FERMT1: variants seen among roughly 807,000 people sequenced by gnomAD.
FERMT1 encodes the protein FERM domain containing kindlin 1, also known as fermitin family homolog 1.
FERMT1 carries 60 observed loss-of-function variants against 85.3 expected under a neutral mutation model. The ratio of observed to expected loss-of-function variants is 0.70; its 90% CI spans 0.57 to 0.87. The LOEUF is 0.87. FERMT1 is among the 40% of genes least tolerant of loss of function. The pLI is 0.00. For synonymous variants in FERMT1, 275 were observed against 301.1 expected, an observed-to-expected ratio of 0.91 and a Z score of 0.90; for missense variants, 701 against 818.9, an observed-to-expected ratio of 0.86 and a Z score of 1.76.
chr20:6,116,337 C>T (rs1197240415), intron 2 of FERMT1, among the ~76,000 whole-genome samples: 1 of 151,906 alleles, frequency 6.6e-6, no homozygotes, highest in Non-Finnish European at 1.5e-5. Context: ...CCTGCATGTT[C>T]TGCACATGTA....
chr20:6,115,390 A>C (rs1189679916), intron 3 of FERMT1, among the ~76,000 whole-genome samples: 1 of 152,246 alleles, frequency 6.6e-6, no homozygotes, highest in East Asian at 1.9e-4. Context: ...TACTTGAGCC[A>C]GGTCTTAAGC....
intron 6 of FERMT1, among the ~76,000 whole-genome samples, chr20:6,098,594 T>C (rs1568659584): frequency 2.0e-5 from 3 of 151,536 alleles, no homozygotes; most frequent in Admixed American, 1.3e-4. Context: ...TATTAAAATA[T>C]AAAAATGACA....
At chr20:6,109,627 C>T (rs574672054) in intron 5 of FERMT1, among the ~76,000 whole-genome samples, 20 of 152,232 alleles carry the variant, frequency 1.3e-4, no homozygotes, top group African/African-American at 2.9e-4. Flanking sequence ...CAGCTGGGCG[C>T]GGTGGCTCAT....
At chr20:6,082,137 G>A (rs1451232925) in intron 13 of FERMT1, among the ~76,000 whole-genome samples, 1 of 152,196 alleles carries the variant, frequency 6.6e-6, no homozygotes, top group Admixed American at 6.5e-5. Context: ...TGGGCCCACT[G>A]CCTCAAAGCC....
At chr20:6,106,049 AAAAAAC>A (rs1396406568) in intron 6 of FERMT1, among the ~76,000 whole-genome samples, 8 of 152,240 alleles carry the variant, frequency 5.3e-5, no homozygotes, top group African/African-American at 9.6e-5. Context: ...GCAGGCAATG[AAAAAAC>A]AAAAACAAAA....
At chr20:6,095,784 T>A (rs1982483482) in intron 8 of FERMT1, among the ~76,000 whole-genome samples, 1 of 152,252 alleles carries the variant, frequency 6.6e-6, no homozygotes, top group Admixed American at 6.5e-5. Context: ...GCGTTTAGTT[T>A]GCACGAAGTA....
At chr20:6,118,264 G>A (rs1218329100) in intron 2 of FERMT1, among the ~76,000 whole-genome samples, 1 of 152,220 alleles carries the variant, frequency 6.6e-6, no homozygotes, top group African/African-American at 2.4e-5. Context: ...ATAATGTTGA[G>A]TGAAAGAAAG....
chr20:6,097,600 T>A lies in FERMT1; in HGVS notation c.881A>T (p.Glu294Val), dbSNP rs747900215. ...TAAGAGAATGGCCCACCTGGCTTGC[T>A]CATAGAGTTGGTTTATTCGGACAGC... is the stretch of plus-strand genomic sequence containing the variant. Reference protein sequence around the residue: ...YDAVRINQLYEQARWAILLEE... With the variant: ...YDAVRINQLYVQARWAILLEE... The change falls in exon 7 of 15, where the codon GAG becomes GTG. Residue 294 changes from glutamate to valine, a missense_variant. Transcript: ENST00000217289. 6.2e-7 allele frequency: 1 copy of A among 1,613,964 alleles called. No homozygotes were observed. Among genetic ancestry groups the A allele is most frequent in the Admixed American group, 1.7e-5 (1 of 60,018 alleles).
chr20:6,083,890 C>A, intron 13 of FERMT1, 150 bp downstream of exon 13: 1 of 859,350 alleles, frequency 1.2e-6, no homozygotes, highest in South Asian at 1.6e-5. Flanking sequence ...TGTTTATGAG[C>A]AGCCCAAAGT....
Position 6,097,836 on chromosome 20 carries a change from A to T in FERMT1, c.850-205T>A, listed in dbSNP as rs138287832. Among the ~76,000 whole-genome samples the T allele has an allele frequency of 4.7e-5, 7 of 149,876 alleles. No homozygotes were observed. In the East Asian group the frequency reaches 1.4e-3, roughly 29 times the overall value. On this transcript the variant is annotated intron_variant, in intron 6 of 14. Coordinates refer to ENST00000217289, the MANE Select transcript of FERMT1 (RefSeq NM_017671.5). ...TTTTTTAATTTTTTATTTTTTTGAGACAGGGTCTCACTCTGTCGCCTAGGC... is the reference window on the plus strand; with the variant it reads ...TTTTTTAATTTTTTATTTTTTTGAGTCAGGGTCTCACTCTGTCGCCTAGGC...
rs1252265078 is a variant in FERMT1, at chr20:6,119,632, A to T, written c.-18-60T>A. 1.5e-5 allele frequency: 21 copies of T among 1,405,562 alleles called. No homozygotes were observed. The South Asian group carries it at 2.0e-4, about 13-fold the overall frequency. The allele number at this position is 1,405,562 out of a possible 1,614,324, so 87.1% of individuals were successfully genotyped here. ...TGGGAAGGAAACGGGACTTGTCAGT[A>T]GACTTGCAGAGCAAAATTTCTTTTT... is the stretch of plus-strand genomic sequence containing the variant. On this transcript the variant is annotated intron_variant, in intron 1 of 14. Coordinates refer to ENST00000217289, the MANE Select transcript of FERMT1 (RefSeq NM_017671.5).
At chr20:6,117,504 G>A (rs6053918) in intron 2 of FERMT1, among the ~76,000 whole-genome samples, 15,604 of 151,136 alleles carry the variant, frequency 0.1, 839 homozygotes, top group African/African-American at 0.14. Context: ...TGTAATCTCA[G>A]CTCACTGCAA....
intron 7 of FERMT1, 70 bp downstream of exon 7, chr20:6,097,454 C>G: frequency 9.8e-7 from 1 of 1,019,578 alleles, no homozygotes; most frequent in South Asian, 1.3e-5. Flanking sequence ...CAGTATGAAG[C>G]ATATGAAACT....
At chr20:6,077,496 A>C (rs1462753296) in intron 14 of FERMT1, 150 bp from the exon 15 acceptor site, 5 of 748,782 alleles carry the variant, frequency 6.7e-6, no homozygotes, top group Non-Finnish European at 1.1e-5. Flanking sequence ...CATCACTTCC[A>C]TTAAACGCTT....
intron 8 of FERMT1, among the ~76,000 whole-genome samples, chr20:6,096,203 A>G (rs1374431221): frequency 6.6e-6 from 1 of 152,248 alleles, no homozygotes; most frequent in East Asian, 1.9e-4. Flanking sequence ...TGGATGACCA[A>G]GTAAATAGAA....
At chr20:6,085,034 G>A (rs1196189483) in intron 12 of FERMT1, 32 bp downstream of exon 12, 2 of 1,570,844 alleles carry the variant, frequency 1.3e-6, no homozygotes, top group Admixed American at 3.3e-5. Flanking sequence ...AGAATTTACT[G>A]CAAACAATTG....
chr20:6,104,982 C>T lies in FERMT1; in HGVS notation c.849+2550G>A, dbSNP rs572717749. Among the ~76,000 whole-genome samples the T allele has an allele frequency of 1.3e-5, 2 of 152,258 alleles. No individual in the cohort carries two copies. Among genetic ancestry groups the T allele is most frequent in the East Asian group, 1.9e-4 (1 of 5,172 alleles). On this transcript the variant is annotated intron_variant, in intron 6 of 14. Coordinates refer to ENST00000217289, the MANE Select transcript of FERMT1 (RefSeq NM_017671.5). This position sits in a 1 kb window ranked among gnomAD's most constrained non-coding sequence, Gnocchi z 4.2. ...TCGGGGGAGTCTCTTGGCAAAGAAACTGCTGGAAGGGTCCCCAAGGACCCT... is the reference window on the plus strand; with the variant it reads ...TCGGGGGAGTCTCTTGGCAAAGAAATTGCTGGAAGGGTCCCCAAGGACCCT...
chr20:6,095,360 C>T lies in FERMT1; in HGVS notation c.1090-372G>A, dbSNP rs1014848655. Among the ~76,000 whole-genome samples, 6 of 152,056 alleles carry T rather than the reference C, an allele frequency of 3.9e-5. No homozygotes were observed. In the East Asian group the frequency reaches 7.7e-4, roughly 20 times the overall value. On this transcript the variant is annotated intron_variant, in intron 8 of 14. Coordinates refer to ENST00000217289, the MANE Select transcript of FERMT1 (RefSeq NM_017671.5). ...TGTCGTAGATTACAAAAATGAAAAA[C>T]GAGATGAAAAAAATGAAAAAGTGGA...
chr20:6,085,808 A>C (rs6053896), intron 11 of FERMT1, among the ~76,000 whole-genome samples: 63,201 of 150,328 alleles, frequency 0.42, 13,707 homozygotes, highest in East Asian at 0.64. Context: ...AAGATTGCAC[A>C]AACGCACTCG....
Sources: gnomAD v4.1 joint callset for allele counts (sites outside exome capture counted in the v4.1 genomes callset) on GRCh38, gnomAD v4.1.1 for gene constraint, Gnocchi (gnomAD v3.1) non-coding constraint, MANE v1.5 for transcripts, NCBI Gene and HGNC (gene_info 2026-07-23, HGNC 2026-07-21) for gene names.